Variants in VWC2L observed in about 807,000 individuals in gnomAD.
VWC2L encodes the protein von Willebrand factor C domain-containing protein 2-like.
Under a neutral mutation model 21.6 loss-of-function variants are expected in VWC2L, and 10 were observed. The ratio of observed to expected loss-of-function variants is 0.46; its 90% CI spans 0.29 to 0.78. VWC2L has a LOEUF of 0.78. VWC2L is among the 30% of genes least tolerant of loss of function. The probability of loss-of-function intolerance (pLI) is 0.10; values close to 1 mark genes in which losing one functional copy is unlikely to be tolerated. For missense variants in VWC2L, 209 were observed against 277.1 expected (o/e 0.75, Z 1.74); for synonymous variants, 96 against 94.3 (o/e 1.02, Z -0.10).
intron 3 of VWC2L, among the ~76,000 whole-genome samples, chr2:214,519,743 A>G (rs1689202584): frequency 6.6e-6 from 1 of 152,102 alleles, no homozygotes; most frequent in African/African-American, 2.4e-5. Context: ...TTTTCTCCCC[A>G]TAGCTTGCTC....
chr2:214,497,156 A>G (rs1387098516), intron 3 of VWC2L, among the ~76,000 whole-genome samples: 1 of 152,196 alleles, frequency 6.6e-6, no homozygotes, highest in East Asian at 1.9e-4. Flanking sequence ...ATCCAATCCA[A>G]GAATAGTCTT....
chr2:214,545,159 A>AGGGCAAAGTAGTAATAT (rs1264822755), intron 3 of VWC2L, among the ~76,000 whole-genome samples: 1 of 152,192 alleles, frequency 6.6e-6, no homozygotes, highest in African/African-American at 2.4e-5. Flanking sequence ...ATAAAATAAA[A>AGGGCAAAGTAGTAATAT]GGGCAAAGTA....
chr2:214,540,270 A>T (rs1430448589), intron 3 of VWC2L, among the ~76,000 whole-genome samples: 1 of 152,158 alleles, frequency 6.6e-6, no homozygotes, highest in Non-Finnish European at 1.5e-5. Context: ...TGGAATCTTC[A>T]TGTGCATTAA....
chr2:214,494,788 T>C (rs1688789764), intron 3 of VWC2L, among the ~76,000 whole-genome samples: 1 of 152,122 alleles, frequency 6.6e-6, no homozygotes, highest in African/African-American at 2.4e-5. Flanking sequence ...CTTTTTTTTT[T>C]TTAAGTTTCT....
chr2:214,470,416 G>A (rs1022796479), intron 3 of VWC2L, among the ~76,000 whole-genome samples: 3 of 152,052 alleles, frequency 2.0e-5, no homozygotes, highest in Admixed American at 6.5e-5. Flanking sequence ...AGGGATGCTT[G>A]TACATTTTGA....
intron 3 of VWC2L, among the ~76,000 whole-genome samples, chr2:214,554,336 T>A (rs1334546941): frequency 6.6e-6 from 1 of 152,154 alleles, no homozygotes; most frequent in Non-Finnish European, 1.5e-5. Context: ...TATTCCAAAG[T>A]AAGCCTGAAA....
intron 3 of VWC2L, among the ~76,000 whole-genome samples, chr2:214,481,873 A>G (rs1688607623): frequency 6.6e-6 from 1 of 152,212 alleles, no homozygotes; most frequent in South Asian, 2.1e-4. Context: ...GTGTTCATTT[A>G]AGATGCCACT....
chr2:214,432,117 A>C (rs973385920), intron 2 of VWC2L, among the ~76,000 whole-genome samples: 4 of 152,250 alleles, frequency 2.6e-5, no homozygotes, highest in African/African-American at 4.8e-5. Context: ...ATTTTCACGC[A>C]TAATGAACAC....
At position 214,414,436 on chromosome 2, in the gene VWC2L, T is replaced by A; in HGVS notation, c.243T>A (p.Asp81Glu). The A allele has an allele frequency of 1.9e-6, 3 of 1,613,616 alleles. No individual in the cohort carries two copies. Among genetic ancestry groups the A allele is most frequent in the Non-Finnish European group, 2.5e-6 (3 of 1,179,698 alleles). ...ACTGTCCATGTGTCTGTGCTCTAGA[T>A]GGACCTGTTTGCGACCAACCAGAAT... ...HSNCPCVCAL[D>E]GPVCDQPECP... Residue 81 changes from aspartate to glutamate, a missense_variant, in exon 2 of 4, where the codon GAT becomes GAA. Physicochemically the swap from Asp to Glu is conservative, Grantham distance 45. Coordinates refer to ENST00000312504, the MANE Select transcript of VWC2L (RefSeq NM_001080500.4).
At chr2:214,573,300 G>A (rs865777205) in intron 3 of VWC2L, among the ~76,000 whole-genome samples, 2 of 152,052 alleles carry the variant, frequency 1.3e-5, no homozygotes, top group Non-Finnish European at 2.9e-5. Context: ...TCTTCTGACT[G>A]TCGAATATCC....
At chr2:214,499,007 T>C (rs1422247449) in intron 3 of VWC2L, among the ~76,000 whole-genome samples, 1 of 111,962 alleles carries the variant, frequency 8.9e-6, no homozygotes, top group Non-Finnish European at 1.8e-5. Flanking sequence ...TATCGTACCA[T>C]TCTTTTTTTT....
intron 3 of VWC2L, among the ~76,000 whole-genome samples, chr2:214,481,792 C>G (rs1012200092): frequency 2.0e-5 from 3 of 152,166 alleles, no homozygotes; most frequent in African/African-American, 7.2e-5. Context: ...TTGATCCCAT[C>G]AAGTTTGCTC....
intron 3 of VWC2L, among the ~76,000 whole-genome samples, chr2:214,497,779 T>C (rs960609373): frequency 5.9e-5 from 9 of 152,228 alleles, no homozygotes; most frequent in Admixed American, 4.6e-4. Flanking sequence ...TGGGGATTTA[T>C]ATTCATAACA....
intron 3 of VWC2L, among the ~76,000 whole-genome samples, chr2:214,567,591 CACACAGAGAG>C (rs1690086676): frequency 1.5e-5 from 2 of 133,786 alleles, no homozygotes; most frequent in African/African-American, 3.0e-5. Flanking sequence ...CACACACACA[CACACAGAGAG>C]AGAGAGAGAG....
intron 3 of VWC2L, among the ~76,000 whole-genome samples, chr2:214,561,809 T>TATATATATATATACACAC (rs1489588765): frequency 1.6e-5 from 2 of 127,222 alleles, no homozygotes; most frequent in South Asian, 2.3e-4. Context: ...TATATATATA[T>TATATATATATATACACAC]ACACACACAT....
chr2:214,413,113 G>A (rs758429247), intron 1 of VWC2L, among the ~76,000 whole-genome samples: 1 of 151,904 alleles, frequency 6.6e-6, no homozygotes, highest in Non-Finnish European at 1.5e-5. Context: ...TTCTATGAAT[G>A]GTTAACACTT....
At chr2:214,458,687 C>A (rs1249889698) in intron 3 of VWC2L, among the ~76,000 whole-genome samples, 1 of 151,976 alleles carries the variant, frequency 6.6e-6, no homozygotes, top group Non-Finnish European at 1.5e-5. Flanking sequence ...ACCTAGTGGT[C>A]ATTTAGGAGC....
At chr2:214,445,645 A>G (rs1391817863) in intron 3 of VWC2L, among the ~76,000 whole-genome samples, 1 of 151,792 alleles carries the variant, frequency 6.6e-6, no homozygotes, top group Non-Finnish European at 1.5e-5. Context: ...TTAACTCTAT[A>G]TGATATGATA....
chr2:214,498,983 C>G (rs1412477119), intron 3 of VWC2L, among the ~76,000 whole-genome samples: 1 of 146,364 alleles, frequency 6.8e-6, no homozygotes, highest in Non-Finnish European at 1.5e-5. Context: ...CCTTCATATG[C>G]CTTCTGAGGC....
Sources: allele counts gnomAD v4.1 joint callset (sites outside exome capture counted in the v4.1 genomes callset), GRCh38; gene constraint gnomAD v4.1.1; transcripts MANE v1.5; gene names NCBI Gene and HGNC (gene_info 2026-07-23, HGNC 2026-07-21).